The following LOXL3 variants were observed in gnomAD, a reference collection of about 807,000 sequenced individuals.
LOXL3 encodes the protein lysyl oxidase homolog 3.
Under a neutral mutation model 91.8 loss-of-function variants are expected in LOXL3, and 60 were observed. The ratio of observed to expected loss-of-function variants is 0.65; its 90% CI spans 0.53 to 0.81. LOXL3 has a LOEUF of 0.81. LOXL3 is among the 30% of genes least tolerant of loss of function. The pLI, the probability that LOXL3 is intolerant of heterozygous loss-of-function variation, is 0.00. For missense variants in LOXL3, 874 were observed against 1,000.4 expected, an observed-to-expected ratio of 0.87 and a Z score of 1.70; for synonymous variants, 355 against 387.6, an observed-to-expected ratio of 0.92 and a Z score of 0.99.
Position 74,535,221 on chromosome 2 carries a change from C to G in LOXL3, c.1579+71G>C. 6.6e-7 allele frequency: 1 copy of G among 1,517,822 alleles called. No individual in the cohort carries two copies. The highest frequency in any genetic ancestry group is 8.9e-7 in the Non-Finnish European group (1 of 1,124,634). 94.0% of individuals were successfully genotyped at this position (1,517,822 alleles called of 1,614,324 possible). A position where few individuals can be genotyped will look rare whatever the true frequency, so the allele number is the denominator to read the frequency against. ...GAAGAAGTGCCCCTCCAGATTACAG[C>G]CCCCTTTCCCTGCAAACGGGTGGCC... On this transcript the variant is annotated intron_variant, in intron 9 of 13. Coordinates refer to ENST00000264094, the MANE Select transcript of LOXL3 (RefSeq NM_032603.5). This position sits in a 1 kb window ranked among gnomAD's most constrained non-coding sequence, Gnocchi z 4.2.
At chr2:74,552,811 GAA>G in intron 1 of LOXL3, 165 bp from the exon 2 acceptor site, 3 of 628,962 alleles carry the variant, frequency 4.8e-6, no homozygotes, top group Non-Finnish European at 8.1e-6. Context: ...GACAGGGAGA[GAA>G]ACACATTAAA....
At chr2:74,552,678 A>G in intron 1 of LOXL3, 32 bp from the exon 2 acceptor site, 1 of 1,473,768 alleles carries the variant, frequency 6.8e-7, no homozygotes, top group Non-Finnish European at 9.1e-7. Flanking sequence ...TGTGCGTGAG[A>G]GAAACAGATT....
intron 4 of LOXL3, among the ~76,000 whole-genome samples, chr2:74,548,761 C>T (rs971255790): frequency 1.3e-5 from 2 of 152,074 alleles, no homozygotes; most frequent in African/African-American, 4.8e-5. Context: ...CCCAGGGCTC[C>T]AGCGCAGGTG....
intron 12 of LOXL3, 48 bp from the exon 13 acceptor site, chr2:74,534,041 C>A: frequency 3.1e-6 from 5 of 1,611,692 alleles, no homozygotes; most frequent in Non-Finnish European, 4.2e-6. Context: ...TCCTCGAATT[C>A]AAAGGTGTCT....
rs773741483 is a variant in LOXL3 at position 74,534,575 on chromosome 2, C to G, written c.1779G>C (p.Arg593Ser). Residue 593 changes from arginine (R) to serine (S), a missense_variant, in exon 10 of 14, where the codon AGG (arginine) becomes AGC (serine). Physicochemically the swap from Arg to Ser is moderately radical, Grantham distance 110. Transcript: ENST00000264094. ...QIHNLGRADF[R>S]PKAGRHSWVW... ...CCCAGGAGTGGCGCCCAGCCTTGGG[C>G]CTGAAGTCAGCTCGTCCCAGGTTGT... 1 of 1,614,098 alleles carries G rather than the reference C, an allele frequency of 6.2e-7. No individual in the cohort carries two copies. Among genetic ancestry groups the G allele is most frequent in the Non-Finnish European group, 8.5e-7 (1 of 1,180,050 alleles).
Position 74,550,089 on chromosome 2 carries a change from C to T in LOXL3, c.477+96G>A, listed in dbSNP as rs1485727005. The stretch of plus-strand genomic sequence containing the variant: ...GTCTCCCACCAATCCAAATGATCCC[C>T]CAGGGGTAACTACCTTCTAATGTCT... On this transcript the variant is annotated intron_variant, in intron 3 of 13. Transcript: ENST00000264094. 10 of 1,497,812 alleles carry T rather than the reference C, an allele frequency of 6.7e-6. No homozygotes were observed. The Admixed American group carries it at 9.4e-5, about 14-fold the overall frequency. The allele number at this position is 1,497,812 out of a possible 1,614,324, so 92.8% of individuals were successfully genotyped here. A position where few individuals can be genotyped will look rare whatever the true frequency, so the allele number is the denominator to read the frequency against.
chr2:74,533,843 A>G (rs369205819), intron 13 of LOXL3, 39 bp downstream of exon 13: 1 of 1,539,948 alleles, frequency 6.5e-7, no homozygotes, highest in Non-Finnish European at 9.0e-7. Flanking sequence ...TTTCCCTCCC[A>G]TCCCCTAATC....
In LOXL3 at chr2:74,533,099, C is replaced by T. The variant is rs1169593584; in HGVS notation, c.*507G>A. 8 of 897,576 alleles carry T rather than the reference C, an allele frequency of 8.9e-6. No individual in the cohort carries two copies. In the East Asian group the frequency reaches 2.0e-4, roughly 22 times the overall value. The allele number at this position is 897,576 out of a possible 1,614,324, so 55.6% of individuals were successfully genotyped here. On this transcript the variant is annotated 3_prime_UTR_variant, in exon 14 of 14. Transcript: ENST00000264094. Reference sequence around the variant, plus strand: ...ATGAACCAGTGGGGGCAGGTCCCTCCAACCACCAGCACTGACTCCTGGGCT... The same window carrying T: ...ATGAACCAGTGGGGGCAGGTCCCTCTAACCACCAGCACTGACTCCTGGGCT...
Position 74,549,601 on chromosome 2 carries a change from A to G in LOXL3, c.478-18T>C. On this transcript the variant is annotated intron_variant, in intron 3 of 13. Transcript: ENST00000264094. The surrounding 1 kb of genome is among the most constrained non-coding windows in gnomAD (Gnocchi z 5.3). ...TGCTCTACCTGGGGGCGGGGCCACA[A>G]GCAGGGAAAGAATCCCAGTGGCACC... 6.3e-7 allele frequency: 1 copy of G among 1,594,560 alleles called. No individual in the cohort carries two copies. Among genetic ancestry groups the G allele is most frequent in the Non-Finnish European group, 8.6e-7 (1 of 1,166,428 alleles).
intron 4 of LOXL3, among the ~76,000 whole-genome samples, chr2:74,547,745 A>G (rs1676690441): frequency 6.6e-6 from 1 of 152,190 alleles, no homozygotes; most frequent in Non-Finnish European, 1.5e-5. Context: ...ATTCTAGAAT[A>G]AATTATTAAA....
intron 4 of LOXL3, among the ~76,000 whole-genome samples, chr2:74,546,865 C>T (rs1037228112): frequency 7.9e-5 from 12 of 152,206 alleles, no homozygotes; most frequent in African/African-American, 1.9e-4. Flanking sequence ...TACAGTCATG[C>T]GCCACCACAC....
chr2:74,533,418 T>A lies in LOXL3; in HGVS notation c.*188A>T. On this transcript the variant is annotated 3_prime_UTR_variant, in exon 14 of 14. Transcript: ENST00000264094. The stretch of plus-strand genomic sequence containing the variant: ...GCCTGGGAGCAAAGATTCCCATGCT[T>A]GGCTACAGATACTGACAGCTGGCCT... 1.7e-6 allele frequency: 1 copy of A among 595,144 alleles called. No homozygotes were observed. 36.9% of individuals were successfully genotyped at this position (595,144 alleles called of 1,614,324 possible). A position where few individuals can be genotyped will look rare whatever the true frequency, so the allele number is the denominator to read the frequency against.
At position 74,549,674 on chromosome 2, in the gene LOXL3, T is replaced by C; in HGVS notation, c.478-91A>G. 1 of 1,471,404 alleles carries C rather than the reference T, an allele frequency of 6.8e-7. No homozygotes were observed. The highest frequency in any genetic ancestry group is 9.0e-7 in the Non-Finnish European group (1 of 1,105,540). 91.1% of individuals were successfully genotyped at this position (1,471,404 alleles called of 1,614,324 possible). ...AAGGAACCCTGCTTGGTGTGCCTGC[T>C]GTAAACCCAGTGGCGGGATGGGCCC... On this transcript the variant is annotated intron_variant, in intron 3 of 13. Transcript: ENST00000264094. This position sits in a 1 kb window ranked among gnomAD's most constrained non-coding sequence, Gnocchi z 5.3.
chr2:74,534,028 C>T, intron 12 of LOXL3, 35 bp from the exon 13 acceptor site: 1 of 1,611,780 alleles, frequency 6.2e-7, no homozygotes, highest in South Asian at 1.1e-5. Context: ...AACCCAGCGA[C>T]AATCCTCGAA....
At position 74,536,089 on chromosome 2, in the gene LOXL3, C is replaced by T. The variant is rs1676001749; in HGVS notation, c.1155G>A (p.Lys385=). The change falls in exon 7 of 14, where the codon AAG becomes AAA. Residue 385 remains lysine (K), a synonymous_variant. Coordinates refer to ENST00000264094, the MANE Select transcript of LOXL3 (RefSeq NM_032603.5). The surrounding 1 kb of genome is among the most constrained non-coding windows in gnomAD (Gnocchi z 4.5). ...CAGCTGTGATGTTCTTGTGGGGGCA[C>T]TTCCAGAGGGAGAGCTCCTGTCCAG... ...RCSGQELSLW[K]CPHKNITAED... 5.6e-6 allele frequency: 9 copies of T among 1,613,806 alleles called. No homozygotes were observed. The highest frequency in any genetic ancestry group is 7.6e-6 in the Non-Finnish European group (9 of 1,179,854).
chr2:74,544,963 T>C (rs1458735784), intron 4 of LOXL3, among the ~76,000 whole-genome samples: 1 of 152,228 alleles, frequency 6.6e-6, no homozygotes, highest in Non-Finnish European at 1.5e-5. Context: ...AGTGTATCTC[T>C]TTCTCCAGCC....
chr2:74,534,629 C>A lies in LOXL3; in HGVS notation c.1725G>T (p.Arg575=). The A allele has an allele frequency of 3.7e-6, 6 of 1,614,212 alleles. No homozygotes were observed. The highest frequency in any genetic ancestry group is 5.1e-6 in the Non-Finnish European group (6 of 1,180,036). The change falls in exon 10 of 14, where the codon CGG becomes CGT. Residue 575 remains arginine, a synonymous_variant. Coordinates refer to ENST00000264094, the MANE Select transcript of LOXL3 (RefSeq NM_032603.5). ...ARSANWPYGH[R]RLLRFSSQIH... is the part of the protein sequence containing the mutation. ...TCTGGGAGGAGAATCGGAGCAGACG[C>A]CGGTGACCATAGGGCCAGTTGGCTG...
Position 74,549,466 on chromosome 2 carries a change from G to A in LOXL3, c.595C>T (p.Gln199Ter). Reference sequence around the variant, plus strand: ...GCGCTCCAGCCTTTGTCGCACACTTGCGACCAGCCGTCAGGAAGCCTGACT... The same window carrying A: ...GCGCTCCAGCCTTTGTCGCACACTTACGACCAGCCGTCAGGAAGCCTGACT... ...VEVRLPDGWS[Q>*]VCDKGWSAHN... The change falls in exon 4 of 14, where the codon CAA becomes TAA. Residue 199 changes from glutamine to a stop codon, truncating the protein, a stop_gained. Coordinates refer to ENST00000264094, the MANE Select transcript of LOXL3 (RefSeq NM_032603.5). LOFTEE classifies it high-confidence loss of function. This position sits in a 1 kb window ranked among gnomAD's most constrained non-coding sequence, Gnocchi z 5.3. The A allele has an allele frequency of 6.2e-7, 1 of 1,613,234 alleles. No individual in the cohort carries two copies. Among genetic ancestry groups the A allele is most frequent in the Non-Finnish European group, 8.5e-7 (1 of 1,179,766 alleles).
Position 74,534,251 on chromosome 2 carries a change from A to G in LOXL3, c.1940-15T>C, listed in dbSNP as rs776722155. ...CTTGGAGACATCTGGAGGGATTGGCATATGTCAGTGTAAGGAAAGGCTGTG... is the reference window on the plus strand; with the variant it reads ...CTTGGAGACATCTGGAGGGATTGGCGTATGTCAGTGTAAGGAAAGGCTGTG... On this transcript the variant is annotated splice_polypyrimidine_tract_variant and intron_variant, in intron 11 of 13. Coordinates refer to ENST00000264094, the MANE Select transcript of LOXL3 (RefSeq NM_032603.5). The G allele has an allele frequency of 3.1e-6, 5 of 1,614,204 alleles. No homozygotes were observed. The South Asian group carries it at 4.4e-5, about 14-fold the overall frequency.
Sources: gnomAD v4.1 joint callset for allele counts (sites outside exome capture counted in the v4.1 genomes callset) on GRCh38, gnomAD v4.1.1 for gene constraint, Gnocchi (gnomAD v3.1) non-coding constraint, MANE v1.5 for transcripts, NCBI Gene and HGNC (gene_info 2026-07-23, HGNC 2026-07-21) for gene names.